The following VEPH1 variants were observed in gnomAD, a reference collection of about 807,000 sequenced individuals.
VEPH1 encodes ventricular zone expressed PH domain containing 1, also known as ventricular zone-expressed PH domain-containing protein homolog 1.
Under a neutral mutation model 85.2 loss-of-function variants are expected in VEPH1, and 80 were observed. The ratio of observed to expected loss-of-function variants is 0.94; its 90% CI spans 0.78 to 1.13. VEPH1 has a LOEUF of 1.13. Among genes scored for constraint, VEPH1 ranks in the 50% most tolerant of loss-of-function variants. VEPH1 has a pLI of 0.00. For missense variants in VEPH1, 955 were observed against 980.5 expected, an observed-to-expected ratio of 0.97 and a Z score of 0.35; for synonymous variants, 297 against 348.0, an observed-to-expected ratio of 0.85 and a Z score of 1.63.
At chr3:157,363,243 A>G in intron 9 of VEPH1, 121 bp downstream of exon 9, 1 of 1,030,802 alleles carries the variant, frequency 9.7e-7, no homozygotes, top group Non-Finnish European at 1.4e-6. Context: ...GGTATTTAAA[A>G]AAAATGATCT....
chr3:157,423,660 T>G (rs926117555), intron 5 of VEPH1, among the ~76,000 whole-genome samples: 1 of 152,244 alleles, frequency 6.6e-6, no homozygotes, highest in Admixed American at 6.5e-5. Flanking sequence ...TCTCTGTTTA[T>G]GCCATTTGCA....
At chr3:157,305,850 A>G (rs1719457637) in intron 11 of VEPH1, among the ~76,000 whole-genome samples, 1 of 152,212 alleles carries the variant, frequency 6.6e-6, no homozygotes, top group Non-Finnish European at 1.5e-5. Flanking sequence ...TTACGGACTC[A>G]GTCTCCTAAG....
chr3:157,329,355 G>A (rs1157237156), intron 9 of VEPH1, among the ~76,000 whole-genome samples: 1 of 151,700 alleles, frequency 6.6e-6, no homozygotes, highest in Non-Finnish European at 1.5e-5. Flanking sequence ...AACAGGAATC[G>A]AAGAACAACT....
chr3:157,267,762 C>T (rs535573513), intron 12 of VEPH1, among the ~76,000 whole-genome samples: 22 of 152,226 alleles, frequency 1.4e-4, no homozygotes, highest in East Asian at 9.7e-4. Context: ...AGTGAGACTC[C>T]GTCTCAAAAA....
In VEPH1 at chr3:157,460,116, G is replaced by T. The variant is rs575890801; in HGVS notation, c.529+65C>A. Reference sequence around the variant, plus strand: ...GTCTTGCTTCCCACAAACCATAAATGCTTGATGAAAATACTTTTAAATATC... The same window carrying T: ...GTCTTGCTTCCCACAAACCATAAATTCTTGATGAAAATACTTTTAAATATC... On this transcript the variant is annotated intron_variant, in intron 4 of 13. Coordinates refer to ENST00000362010, the MANE Select transcript of VEPH1 (RefSeq NM_001167912.2). 5.0e-6 allele frequency: 8 copies of T among 1,613,486 alleles called. No individual in the cohort carries two copies. The East Asian group carries it at 8.9e-5, about 18-fold the overall frequency.
At chr3:157,347,901 T>C (rs1724412234) in intron 9 of VEPH1, among the ~76,000 whole-genome samples, 1 of 152,214 alleles carries the variant, frequency 6.6e-6, no homozygotes, top group African/African-American at 2.4e-5. Context: ...CTCCATCCGC[T>C]ACCCACCCTC....
At chr3:157,340,570 C>T in intron 9 of VEPH1, among the ~76,000 whole-genome samples, 1 of 152,216 alleles carries the variant, frequency 6.6e-6, no homozygotes, top group East Asian at 1.9e-4. Flanking sequence ...AGAAGGCCTA[C>T]CTGCCTCTGT....
chr3:157,298,368 T>C (rs556005728), intron 11 of VEPH1, among the ~76,000 whole-genome samples: 15 of 152,316 alleles, frequency 9.8e-5, no homozygotes, highest in African/African-American at 3.6e-4. Context: ...TTTTGATGTT[T>C]TATCAGAAGA....
chr3:157,492,735 T>C (rs1739330417), intron 2 of VEPH1, among the ~76,000 whole-genome samples: 1 of 152,050 alleles, frequency 6.6e-6, no homozygotes, highest in Admixed American at 6.6e-5. Context: ...ACAATGAAAA[T>C]GCTCTCTCTT....
chr3:157,445,930 A>T (rs1560068797), intron 4 of VEPH1, among the ~76,000 whole-genome samples: 2 of 152,204 alleles, frequency 1.3e-5, no homozygotes, highest in Non-Finnish European at 2.9e-5. Context: ...AAACAACAAC[A>T]ACTAAGCAAT....
intron 9 of VEPH1, among the ~76,000 whole-genome samples, chr3:157,353,805 C>T (rs980689992): frequency 6.6e-6 from 1 of 152,094 alleles, no homozygotes; most frequent in Admixed American, 6.5e-5. Context: ...CCCACTAGAA[C>T]AGCCTCCATG....
At chr3:157,279,275 T>C (rs913333291) in intron 12 of VEPH1, among the ~76,000 whole-genome samples, 1 of 152,138 alleles carries the variant, frequency 6.6e-6, no homozygotes, top group African/African-American at 2.4e-5. Flanking sequence ...TCACAGAAAC[T>C]GAAGAAGAAG....
chr3:157,453,033 G>T (rs1185867278), intron 4 of VEPH1, among the ~76,000 whole-genome samples: 5 of 152,128 alleles, frequency 3.3e-5, no homozygotes, highest in African/African-American at 7.2e-5. Flanking sequence ...ATGATGGATT[G>T]GTTCAGAAAT....
chr3:157,398,741 C>G (rs1730605364), intron 6 of VEPH1, among the ~76,000 whole-genome samples: 2 of 152,254 alleles, frequency 1.3e-5, no homozygotes, highest in Middle Eastern at 3.4e-3. Flanking sequence ...CCCAAAGGCT[C>G]CCGACAGCAT....
intron 9 of VEPH1, among the ~76,000 whole-genome samples, chr3:157,348,958 C>A (rs1724544335): frequency 6.6e-6 from 1 of 152,192 alleles, no homozygotes; most frequent in Non-Finnish European, 1.5e-5. Context: ...TCTCAAAATA[C>A]TTCAAAAAAA....
intron 5 of VEPH1, among the ~76,000 whole-genome samples, chr3:157,414,889 G>A (rs1266601410): frequency 6.6e-6 from 1 of 152,118 alleles, no homozygotes; most frequent in Non-Finnish European, 1.5e-5. Flanking sequence ...TCTTTTGTTT[G>A]TGTTTTATTT....
At chr3:157,417,274 G>A (rs1284398350) in intron 5 of VEPH1, among the ~76,000 whole-genome samples, 1 of 152,134 alleles carries the variant, frequency 6.6e-6, no homozygotes, top group Non-Finnish European at 1.5e-5. Context: ...CTCATTGGGA[G>A]CCGCCTTCCT....
intron 7 of VEPH1, among the ~76,000 whole-genome samples, chr3:157,378,277 T>C (rs564273928): frequency 2.2e-4 from 33 of 147,088 alleles, no homozygotes; most frequent in Admixed American, 2.2e-3. Flanking sequence ...AGTTAACTTA[T>C]GGGTCTATGA....
intron 3 of VEPH1, among the ~76,000 whole-genome samples, chr3:157,469,925 G>C (rs1460977388): frequency 6.6e-6 from 1 of 152,144 alleles, no homozygotes; most frequent in Non-Finnish European, 1.5e-5. Flanking sequence ...GCTAGGTCCC[G>C]AGCGCACTGC....
Sources: gnomAD v4.1 joint callset for allele counts (sites outside exome capture counted in the v4.1 genomes callset) on GRCh38, gnomAD v4.1.1 for gene constraint, MANE v1.5 for transcripts, NCBI Gene and HGNC (gene_info 2026-07-23, HGNC 2026-07-21) for gene names.